Variants in MICU3 observed in about 807,000 individuals in gnomAD.
MICU3 encodes calcium uptake protein 3, mitochondrial.
Under a neutral mutation model 66.5 loss-of-function variants are expected in MICU3, and 62 were observed. The ratio of observed to expected loss-of-function variants is 0.93; its 90% CI spans 0.76 to 1.15. The LOEUF (loss-of-function observed/expected upper bound fraction) is 1.15, where lower values mean the gene tolerates loss of function less well. Among genes scored for constraint, MICU3 ranks in the 50% most tolerant of loss-of-function variants. The probability of loss-of-function intolerance (pLI) is 0.00; values close to 1 mark genes in which losing one functional copy is unlikely to be tolerated. For synonymous variants in MICU3, 308 were observed against 240.7 expected, an observed-to-expected ratio of 1.28 and a Z score of -2.59; for missense variants, 779 against 664.4, an observed-to-expected ratio of 1.17 and a Z score of -1.90.
At chr8:17,038,694 T>C (rs1813488607) in intron 1 of MICU3, among the ~76,000 whole-genome samples, 1 of 152,006 alleles carries the variant, frequency 6.6e-6, no homozygotes, top group African/African-American at 2.4e-5. Context: ...GTTGACTTAT[T>C]TGTAATCCCA....
intron 11 of MICU3, among the ~76,000 whole-genome samples, chr8:17,108,073 T>C (rs1662007984): frequency 6.6e-6 from 1 of 152,096 alleles, no homozygotes; most frequent in African/African-American, 2.4e-5. Flanking sequence ...TCGTGGATAT[T>C]TCATTATAAG....
intron 1 of MICU3, among the ~76,000 whole-genome samples, chr8:17,048,586 T>A (rs149591983): frequency 6.6e-6 from 1 of 152,192 alleles, no homozygotes; most frequent in African/African-American, 2.4e-5. Context: ...AGATTTTGAA[T>A]TGAATCTTCT....
chr8:17,041,192 T>G (rs1814006261), intron 1 of MICU3, among the ~76,000 whole-genome samples: 1 of 151,368 alleles, frequency 6.6e-6, no homozygotes, highest in South Asian at 2.1e-4. Context: ...AGGAGAGAAC[T>G]CTGGTGAGCA....
chr8:17,126,712 A>G (rs117175811), downstream of MICU3, among the ~76,000 whole-genome samples: 5,696 of 152,322 alleles, frequency 0.037, 151 homozygotes, highest in Non-Finnish European at 0.055. Flanking sequence ...GAATTTATTC[A>G]CCAAATCTAG....
chr8:17,049,685 C>T, intron 1 of MICU3: 1 of 510,244 alleles, frequency 2.0e-6, no homozygotes, highest in Non-Finnish European at 3.9e-6. Context: ...TGTGAAAAAA[C>T]ACTGGGTTGT....
intron 4 of MICU3, among the ~76,000 whole-genome samples, chr8:17,080,129 GTTAGTT>G (rs901802950): frequency 2.0e-5 from 3 of 151,802 alleles, no homozygotes; most frequent in African/African-American, 7.3e-5. Flanking sequence ...AAATTGAAGA[GTTAGTT>G]TTATAGTATT....
chr8:17,135,465 A>G, the MICU3 span, among the ~76,000 whole-genome samples: 97,180 of 151,860 alleles, frequency 0.64, 31,741 homozygotes, highest in East Asian at 0.93. Flanking sequence ...CAGAGAAGCA[A>G]CTGATTTTAT....
intron 1 of MICU3, among the ~76,000 whole-genome samples, chr8:17,047,124 C>G (rs6587013): frequency 6.6e-6 from 1 of 151,884 alleles, no homozygotes; most frequent in South Asian, 2.1e-4. Context: ...GAGTCTGTTA[C>G]TTAAGTATAT....
the MICU3 span, among the ~76,000 whole-genome samples, chr8:17,135,967 G>C: frequency 1.3e-4 from 20 of 152,058 alleles, no homozygotes; most frequent in South Asian, 4.2e-3. Flanking sequence ...TCTGATCTTG[G>C]ACAAGTTGAC....
chr8:17,054,074 A>G (rs573858264), intron 1 of MICU3, among the ~76,000 whole-genome samples: 1 of 152,334 alleles, frequency 6.6e-6, no homozygotes, highest in South Asian at 2.1e-4. Context: ...TTGATAGAAA[A>G]AAAATTCCGT....
the MICU3 span, among the ~76,000 whole-genome samples, chr8:17,133,910 C>T: frequency 1.3e-5 from 2 of 152,148 alleles, no homozygotes; most frequent in Non-Finnish European, 2.9e-5. Context: ...CTTGTAACTA[C>T]ATTGTTTTAC....
intron 1 of MICU3, among the ~76,000 whole-genome samples, chr8:17,048,967 T>G (rs1179231544): frequency 1.3e-5 from 2 of 152,118 alleles, no homozygotes; most frequent in Non-Finnish European, 2.9e-5. Context: ...TGCTGGGAAT[T>G]TATGAGCTTA....
chr8:17,034,175 T>C (rs1021288996), intron 1 of MICU3, among the ~76,000 whole-genome samples: 1 of 152,184 alleles, frequency 6.6e-6, no homozygotes, highest in African/African-American at 2.4e-5. Flanking sequence ...CTACCTGTGT[T>C]ATGTTAGGGG....
In MICU3 at chr8:17,064,195, C is replaced by G. The variant is rs771460585; in HGVS notation, c.493C>G (p.Pro165Ala). 3 of 1,612,364 alleles carry G rather than the reference C, an allele frequency of 1.9e-6. No individual in the cohort carries two copies. The highest frequency in any genetic ancestry group is 4.5e-5 in the East Asian group (2 of 44,816). ...ATGTGAAGGGCAGTTATTCATGACT[C>G]CGTATGATTTTATTTTGGCTGTTAC... ...IECEGQLFMT[P>A]YDFILAVTTD... Residue 165 changes from proline to alanine, a missense_variant, in exon 2 of 15, where the codon CCG becomes GCG. By Grantham distance (27) the Pro-to-Ala change is conservative. Transcript: ENST00000318063.
chr8:17,083,753 A>G (rs887733013), intron 5 of MICU3, among the ~76,000 whole-genome samples: 1 of 152,122 alleles, frequency 6.6e-6, no homozygotes, highest in Admixed American at 6.6e-5. Context: ...CCAGTCAATG[A>G]TGCTATCCTG....
At chr8:17,091,347 C>A (rs1333895840) in intron 8 of MICU3, among the ~76,000 whole-genome samples, 1 of 151,998 alleles carries the variant, frequency 6.6e-6, no homozygotes, top group Non-Finnish European at 1.5e-5. Context: ...TTAATTTCCC[C>A]AAGGATCCTT....
chr8:17,090,015 T>C (rs1017200162), intron 7 of MICU3, among the ~76,000 whole-genome samples: 1 of 152,116 alleles, frequency 6.6e-6, no homozygotes, highest in Non-Finnish European at 1.5e-5. Context: ...GCTATACTCA[T>C]TGTTAATGTT....
intron 1 of MICU3, among the ~76,000 whole-genome samples, chr8:17,060,096 A>G (rs1431533280): frequency 6.6e-6 from 1 of 152,194 alleles, no homozygotes; most frequent in Admixed American, 6.5e-5. Context: ...TTAAAACAGT[A>G]TGGTATTTGA....
intron 8 of MICU3, 38 bp from the exon 9 acceptor site, chr8:17,098,420 T>C (rs1800953655): frequency 4.1e-6 from 5 of 1,216,276 alleles, no homozygotes; most frequent in Non-Finnish European, 6.1e-6. Context: ...TTGTAACTAT[T>C]CTTTAGATTT....
Sources: allele counts gnomAD v4.1 joint callset (sites outside exome capture counted in the v4.1 genomes callset), GRCh38; gene constraint gnomAD v4.1.1; transcripts MANE v1.5; gene names NCBI Gene and HGNC (gene_info 2026-07-23, HGNC 2026-07-21).